The following HRH2 variants were observed in gnomAD, a reference collection of about 807,000 sequenced individuals.
The protein encoded by HRH2 is histamine H2 receptor.
Under a neutral mutation model 20.1 loss-of-function variants are expected in HRH2, and 4 were observed. The ratio of observed to expected loss-of-function variants is 0.20; its 90% CI spans 0.10 to 0.45. HRH2 has a LOEUF of 0.45. Among genes scored for constraint, HRH2 ranks in the 20% least tolerant of loss-of-function variants. The pLI, the probability that HRH2 is intolerant of heterozygous loss-of-function variation, is 0.99. For synonymous variants in HRH2, 197 were observed against 200.7 expected, an observed-to-expected ratio of 0.98 and a Z score of 0.16; for missense variants, 250 against 461.6, an observed-to-expected ratio of 0.54 and a Z score of 4.20.
chr5:175,665,367 A>G (rs1305345290), intron 1 of HRH2, among the ~76,000 whole-genome samples: 1 of 152,136 alleles, frequency 6.6e-6, no homozygotes, highest in Non-Finnish European at 1.5e-5. Context: ...CAGGATCTGG[A>G]TATGCACAAG....
intron 1 of HRH2, among the ~76,000 whole-genome samples, chr5:175,662,601 C>T (rs1009491754): frequency 5.9e-5 from 9 of 152,160 alleles, no homozygotes; most frequent in Non-Finnish European, 1.3e-4. Flanking sequence ...TCCCTGCTTC[C>T]CCTCTGCCCC....
chr5:175,690,515 T>G (rs183207908), intron 2 of HRH2, among the ~76,000 whole-genome samples: 30 of 152,182 alleles, frequency 2.0e-4, no homozygotes, highest in Admixed American at 1.5e-3. Flanking sequence ...TCACCATCTA[T>G]CTCTTTTTCT....
At chr5:175,674,478 C>T (rs773392013) in intron 1 of HRH2, among the ~76,000 whole-genome samples, 4 of 151,962 alleles carry the variant, frequency 2.6e-5, no homozygotes, top group Non-Finnish European at 5.9e-5. Context: ...GGGGATGACA[C>T]TCATCATCAT....
chr5:175,697,677 A>T (rs1402541175), intron 2 of HRH2, among the ~76,000 whole-genome samples: 1 of 152,058 alleles, frequency 6.6e-6, no homozygotes, highest in East Asian at 1.9e-4. Flanking sequence ...TCAATTCCTG[A>T]CACTCCCCTG....
intron 1 of HRH2, among the ~76,000 whole-genome samples, chr5:175,669,988 C>T (rs1473530522): frequency 6.6e-6 from 1 of 152,148 alleles, no homozygotes; most frequent in Non-Finnish European, 1.5e-5. Context: ...TTTTACTAAC[C>T]CAGGAGCAGC....
At chr5:175,696,960 C>T (rs1375643991) in intron 2 of HRH2, among the ~76,000 whole-genome samples, 2 of 152,198 alleles carry the variant, frequency 1.3e-5, no homozygotes, top group African/African-American at 4.8e-5. Context: ...AGGGTTTGCA[C>T]CTAGCGGAGG....
intron 2 of HRH2, among the ~76,000 whole-genome samples, chr5:175,696,498 C>T (rs2113548147): frequency 6.7e-6 from 1 of 148,536 alleles, no homozygotes; most frequent in South Asian, 2.1e-4. Flanking sequence ...TCCCTCACAT[C>T]TGTTAGAGAG....
rs772175213 is a variant in HRH2 at position 175,683,589 on chromosome 5, C to T, written c.356C>T (p.Ala119Val). 2 of 1,614,226 alleles carry T rather than the reference C, an allele frequency of 1.2e-6. No individual in the cohort carries two copies. Among genetic ancestry groups the T allele is most frequent in the Non-Finnish European group, 1.7e-6 (2 of 1,180,042 alleles). ...LFMISLDRYC[A>V]VMDPLRYPVL... ...ATGATCAGCCTCGACCGGTACTGCG[C>T]TGTCATGGACCCACTGCGGTACCCT... is the stretch of plus-strand genomic sequence containing the variant. Residue 119 changes from alanine to valine, a missense_variant, in exon 2 of 3, where the codon GCT becomes GTT. Around this residue, in one of 5 missense-constraint regions of HRH2, gnomAD observed 86 missense variants for 176.4 expected, o/e 0.49. Coordinates refer to ENST00000636584, the MANE Select transcript of HRH2 (RefSeq NM_001367711.1).
At chr5:175,691,940 G>A (rs1756398868) in intron 2 of HRH2, among the ~76,000 whole-genome samples, 1 of 152,026 alleles carries the variant, frequency 6.6e-6, no homozygotes, top group Admixed American at 6.5e-5. Context: ...CTTCCTCCAG[G>A]GGACCCGGCC....
intron 1 of HRH2, among the ~76,000 whole-genome samples, chr5:175,665,781 T>C (rs573711886): frequency 1.3e-5 from 2 of 151,330 alleles, no homozygotes; most frequent in Non-Finnish European, 2.9e-5. Context: ...TGGGCAAGAG[T>C]GGTTAGAAAA....
At chr5:175,702,932 A>G (rs1756836289) in intron 2 of HRH2, among the ~76,000 whole-genome samples, 1 of 152,132 alleles carries the variant, frequency 6.6e-6, no homozygotes, top group South Asian at 2.1e-4. Flanking sequence ...TTCACCAGAA[A>G]GATAAATTTT....
At chr5:175,660,047 C>T (rs1310791999) in intron 1 of HRH2, among the ~76,000 whole-genome samples, 1 of 152,196 alleles carries the variant, frequency 6.6e-6, no homozygotes, top group African/African-American at 2.4e-5. Context: ...ATTCCACTCT[C>T]CATCCTAGGC....
At position 175,681,076 on chromosome 5, in the gene HRH2, G is replaced by A. The variant is rs1755949353; in HGVS notation, c.-525-1633G>A. On this transcript the variant is annotated intron_variant, in intron 1 of 2. Coordinates refer to ENST00000636584, the MANE Select transcript of HRH2 (RefSeq NM_001367711.1). The surrounding 1 kb of genome is among the most constrained non-coding windows in gnomAD (Gnocchi z 4.3). ...GCCAAAATACCTATACCCGGCTGTT[G>A]TGGTAACTCAGAAAAACTTTGATGA... Among the ~76,000 whole-genome samples, 1 of 152,172 alleles carries A rather than the reference G, an allele frequency of 6.6e-6. No homozygotes were observed. The highest frequency in any genetic ancestry group is 1.5e-5 in the Non-Finnish European group (1 of 68,036).
intron 1 of HRH2, among the ~76,000 whole-genome samples, chr5:175,658,722 A>ATGACC (rs1554108358): frequency 6.6e-6 from 1 of 152,124 alleles, no homozygotes; most frequent in Non-Finnish European, 1.5e-5. Flanking sequence ...CGGATGACCG[A>ATGACC]TGACCGGAGC....
chr5:175,667,720 A>G lies in HRH2; in HGVS notation c.-526+9565A>G, dbSNP rs147365306. The stretch of plus-strand genomic sequence containing the variant: ...TATTTCATAGTTTCCAAGAAGTGAT[A>G]GTAACAGCTGTAGTAATTTTGTTGT... On this transcript the variant is annotated intron_variant, in intron 1 of 2. Coordinates refer to ENST00000636584, the MANE Select transcript of HRH2 (RefSeq NM_001367711.1). Among the ~76,000 whole-genome samples, 183 of 152,330 alleles carry G rather than the reference A, an allele frequency of 1.2e-3. 1 individual carries two copies. The highest frequency in any genetic ancestry group is 3.4e-3 in the Middle Eastern group (1 of 294).
chr5:175,707,189 G>A (rs544297224), intron 2 of HRH2, among the ~76,000 whole-genome samples: 3 of 152,306 alleles, frequency 2.0e-5, no homozygotes, highest in Admixed American at 1.3e-4. Flanking sequence ...TTGGGAGGCC[G>A]AGGCAGGAGG....
At chr5:175,692,802 A>G (rs924777805) in intron 2 of HRH2, among the ~76,000 whole-genome samples, 2 of 152,130 alleles carry the variant, frequency 1.3e-5, no homozygotes, top group Non-Finnish European at 2.9e-5. Context: ...ATACTTAACA[A>G]CGGAGAGAGC....
At position 175,706,741 on chromosome 5, in the gene HRH2, G is replaced by A. The variant is rs59958826; in HGVS notation, c.1077-1038G>A. On this transcript the variant is annotated intron_variant, in intron 2 of 2. Transcript: ENST00000636584. ...CCAGGCCTTCTGCAATGGCCTGGCC[G>A]GCACATGCCCTCACATGGAAGGAAG... Among the ~76,000 whole-genome samples, 946 of 152,342 alleles carry A rather than the reference G, an allele frequency of 6.2e-3. 13 individuals carry two copies. Among genetic ancestry groups the A allele is most frequent in the African/African-American group, 0.02 (812 of 41,572 alleles).
At position 175,693,407 on chromosome 5, in the gene HRH2, C is replaced by G. The variant is rs1756452226; in HGVS notation, c.1076+9098C>G. ...GTGGTGCTAGACAACCATCAGTGTG[C>G]CTGCTTCTCCTGTCTCTGATCCATG... On this transcript the variant is annotated intron_variant, in intron 2 of 2. Coordinates refer to ENST00000636584, the MANE Select transcript of HRH2 (RefSeq NM_001367711.1). The surrounding 1 kb of genome is among the most constrained non-coding windows in gnomAD (Gnocchi z 4.4). Among the ~76,000 whole-genome samples the G allele has an allele frequency of 6.6e-6, 1 of 152,182 alleles. No homozygotes were observed. The highest frequency in any genetic ancestry group is 1.5e-5 in the Non-Finnish European group (1 of 68,036).
Sources: gnomAD v4.1 joint callset for allele counts (sites outside exome capture counted in the v4.1 genomes callset) on GRCh38, gnomAD v4.1.1 for gene constraint, gnomAD v4.1.1 regional missense constraint, Gnocchi (gnomAD v3.1) non-coding constraint, MANE v1.5 for transcripts, NCBI Gene and HGNC (gene_info 2026-07-23, HGNC 2026-07-21) for gene names.